The following LRRC43 variants were observed in gnomAD, a reference collection of about 807,000 sequenced individuals.
The protein encoded by LRRC43 is leucine rich repeat containing 43, also known as leucine-rich repeat-containing protein 43.
LRRC43 carries 62 observed loss-of-function variants against 64.3 expected under a neutral mutation model. That is an observed-to-expected ratio of 0.96 (90% confidence interval 0.79 to 1.19). The LOEUF (loss-of-function observed/expected upper bound fraction) is 1.19. Ranked by LOEUF, LRRC43 falls within the 50% of genes most tolerant of loss-of-function variation. LRRC43 has a pLI of 0.00. For missense variants in LRRC43, 868 were observed against 845.0 expected (o/e 1.03, Z -0.34); for synonymous variants, 422 against 382.3 (o/e 1.10, Z -1.21).
At chr12:122,197,835 T>G (rs1370229487) in intron 7 of LRRC43, among the ~76,000 whole-genome samples, 1 of 152,098 alleles carries the variant, frequency 6.6e-6, no homozygotes, top group Non-Finnish European at 1.5e-5. Flanking sequence ...TCTACTCACT[T>G]CTCCGGTAGA....
upstream of LRRC43, among the ~76,000 whole-genome samples, chr12:122,180,819 A>T (rs760935770): frequency 9.9e-5 from 15 of 152,106 alleles, no homozygotes; most frequent in South Asian, 4.1e-4. Context: ...CTCTTCCTTC[A>T]CTGCACATTG....
intron 5 of LRRC43, among the ~76,000 whole-genome samples, chr12:122,191,151 A>G (rs1953713297): frequency 6.6e-6 from 1 of 152,140 alleles, no homozygotes; most frequent in African/African-American, 2.4e-5. Context: ...AGTAGCCCTT[A>G]TCACTCCCAT....
In LRRC43 at chr12:122,191,434, T is replaced by A; in HGVS notation, c.956T>A (p.Val319Asp). ...FVVTIGNIRGVLDTSVLDPEP... is the reference protein window; with the variant it reads ...FVVTIGNIRGDLDTSVLDPEP... ...GTGACCATCGGAAACATCAGAGGAG[T>A]CCTGGACACCTCTGTCTTAGACCCG... The change falls in exon 6 of 12, where the codon GTC becomes GAC. Residue 319 changes from valine (V) to aspartate (D), a missense_variant. Val to Asp is a radical substitution (Grantham distance 152, BLOSUM62 -3). Transcript: ENST00000339777. 1 of 1,613,800 alleles carries A rather than the reference T, an allele frequency of 6.2e-7. No homozygotes were observed. The highest frequency in any genetic ancestry group is 8.5e-7 in the Non-Finnish European group (1 of 1,179,966).
intron 1 of LRRC43, among the ~76,000 whole-genome samples, chr12:122,176,185 G>A (rs1277428219): frequency 6.6e-6 from 1 of 152,198 alleles, no homozygotes; most frequent in Admixed American, 6.5e-5. Context: ...GTCTCTCTGA[G>A]AGGTGACATT....
At chr12:122,199,049 C>T (rs1259091285) in intron 7 of LRRC43, among the ~76,000 whole-genome samples, 1 of 150,898 alleles carries the variant, frequency 6.6e-6, no homozygotes, top group East Asian at 1.9e-4. Flanking sequence ...GCGATCTCGG[C>T]TCACTGCAAC....
At chr12:122,173,889 T>A (rs1462805505) in intron 1 of LRRC43, 1 of 1,614,132 alleles carries the variant, frequency 6.2e-7, no homozygotes. Flanking sequence ...CCTCGACTAT[T>A]TTCTGTACAT....
intron 6 of LRRC43, 46 bp downstream of exon 6, chr12:122,191,613 G>C (rs778873082): frequency 8.2e-6 from 12 of 1,459,378 alleles, no homozygotes; most frequent in South Asian, 5.1e-5. Context: ...TCTTGTGAAG[G>C]CTGAACTGCT....
chr12:122,198,293 T>C (rs1298487643), intron 7 of LRRC43, among the ~76,000 whole-genome samples: 1 of 151,682 alleles, frequency 6.6e-6, no homozygotes, highest in Non-Finnish European at 1.5e-5. Context: ...GGCCGAGATA[T>C]AGTTAATATA....
Position 122,200,984 on chromosome 12 carries a change from A to T in LRRC43, c.1809+50A>T, listed in dbSNP as rs1267164383. The T allele has an allele frequency of 6.5e-7, 1 of 1,529,866 alleles. No homozygotes were observed. Among genetic ancestry groups the T allele is most frequent in the Non-Finnish European group, 8.8e-7 (1 of 1,138,578 alleles). The allele number at this position is 1,529,866 out of a possible 1,614,324, so 94.8% of individuals were successfully genotyped here. A position where few individuals can be genotyped will look rare whatever the true frequency, so the allele number is the denominator to read the frequency against. On this transcript the variant is annotated intron_variant, in intron 10 of 11. Coordinates refer to ENST00000339777, the MANE Select transcript of LRRC43 (RefSeq NM_001098519.2). This position sits in a 1 kb window ranked among gnomAD's most constrained non-coding sequence, Gnocchi z 4.6. Reference sequence around the variant, plus strand: ...CTCCACCTCTGCCTTCGCCCTCCCCATGGGAACCCCGCGGGCAAGCAAGGG... The same window carrying T: ...CTCCACCTCTGCCTTCGCCCTCCCCTTGGGAACCCCGCGGGCAAGCAAGGG...
At position 122,184,417 on chromosome 12, in the gene LRRC43, A is replaced by C; in HGVS notation, c.151-102A>C. Reference sequence around the variant, plus strand: ...CCTACTCTCTAGATTTCTAAACTCTATCCCTAATCGTCCAGTTTTATGATC... The same window carrying C: ...CCTACTCTCTAGATTTCTAAACTCTCTCCCTAATCGTCCAGTTTTATGATC... On this transcript the variant is annotated intron_variant, in intron 1 of 11. Transcript: ENST00000339777. This position sits in a 1 kb window ranked among gnomAD's most constrained non-coding sequence, Gnocchi z 4.0. 1 of 1,416,246 alleles carries C rather than the reference A, an allele frequency of 7.1e-7. No homozygotes were observed. The highest frequency in any genetic ancestry group is 9.5e-7 in the Non-Finnish European group (1 of 1,051,730). The allele number at this position is 1,416,246 out of a possible 1,614,324, so 87.7% of individuals were successfully genotyped here. A position where few individuals can be genotyped will look rare whatever the true frequency, so the allele number is the denominator to read the frequency against.
intron 4 of LRRC43, among the ~76,000 whole-genome samples, chr12:122,188,695 C>T (rs1348690527): frequency 1.3e-5 from 2 of 152,150 alleles, no homozygotes; most frequent in African/African-American, 4.8e-5. Context: ...CTTACTTTGG[C>T]CTCCCAAAGT....
At chr12:122,179,009 C>T (rs768351791), upstream of LRRC43, among the ~76,000 whole-genome samples, 7 of 152,188 alleles carry the variant, frequency 4.6e-5, 1 homozygote, top group South Asian at 4.1e-4. Context: ...TTGGTACAAA[C>T]GAAGAGGATC....
intron 1 of LRRC43, among the ~76,000 whole-genome samples, chr12:122,174,784 C>T (rs1464909990): frequency 6.6e-6 from 1 of 152,096 alleles, no homozygotes; most frequent in Non-Finnish European, 1.5e-5. Context: ...AATCTCAGGG[C>T]CCAGAACCAG....
intron 6 of LRRC43, 79 bp downstream of exon 6, chr12:122,191,646 T>G: frequency 9.1e-7 from 1 of 1,104,970 alleles, no homozygotes; most frequent in Non-Finnish European, 1.3e-6. Flanking sequence ...GGAAAATCCT[T>G]TTAATTAATT....
At chr12:122,201,921 C>G (rs535245911) in intron 11 of LRRC43, 1 of 152,654 alleles carries the variant, frequency 6.6e-6, no homozygotes, top group Admixed American at 6.5e-5. Flanking sequence ...GTGAGGAGTT[C>G]GAGACCAGCC....
chr12:122,171,635 T>C lies in LRRC43; in HGVS notation c.-406+3853T>C, dbSNP rs1953486022. Among the ~76,000 whole-genome samples the C allele has an allele frequency of 3.3e-5, 5 of 152,214 alleles. No individual in the cohort carries two copies. In the South Asian group the frequency reaches 1.0e-3, roughly 32 times the overall value. On this transcript the variant is annotated intron_variant, in intron 1 of 5. Transcript: ENST00000537729. ...CTTAGCTTCCCAAAGTGCTGGGATA[T>C]CTGATCTGTGTTACAACCCTATGAG...
rs745818683 is a variant in LRRC43 at position 122,183,247 on chromosome 12, T to C, written c.103T>C (p.Leu35=). 2 of 1,569,874 alleles carry C rather than the reference T, an allele frequency of 1.3e-6. No individual in the cohort carries two copies. Among genetic ancestry groups the C allele is most frequent in the Non-Finnish European group, 1.7e-6 (2 of 1,167,632 alleles). The change falls in exon 1 of 12, where the codon TTG becomes CTG. Residue 35 remains leucine (L), a synonymous_variant. Coordinates refer to ENST00000339777, the MANE Select transcript of LRRC43 (RefSeq NM_001098519.2). ...GTVSAAVREH[L]RKLCLREFPC... ...CGTGAGCGCGGCCGTGCGCGAGCAC[T>C]TGCGGAAGCTGTGTCTGCGCGAGTT...
At chr12:122,197,966 A>C (rs1953789090) in intron 7 of LRRC43, among the ~76,000 whole-genome samples, 1 of 151,944 alleles carries the variant, frequency 6.6e-6, no homozygotes, top group South Asian at 2.1e-4. Context: ...TAACCTGAGA[A>C]GTACAATTTT....
upstream of LRRC43, among the ~76,000 whole-genome samples, chr12:122,180,989 GTGGA>G (rs1302601427): frequency 6.6e-6 from 1 of 152,120 alleles, no homozygotes; most frequent in Non-Finnish European, 1.5e-5. Context: ...GCTGAGGTGG[GTGGA>G]TCACTTGAGG....
Sources: gnomAD v4.1 joint callset for allele counts (sites outside exome capture counted in the v4.1 genomes callset) on GRCh38, gnomAD v4.1.1 for gene constraint, Gnocchi (gnomAD v3.1) non-coding constraint, MANE v1.5 for transcripts, NCBI Gene and HGNC (gene_info 2026-07-23, HGNC 2026-07-21) for gene names.